CDH8: variants seen among roughly 807,000 people sequenced by gnomAD.
CDH8 encodes the protein cadherin-8.
Under a neutral mutation model 68.1 loss-of-function variants are expected in CDH8, and 17 were observed. The ratio of observed to expected loss-of-function variants is 0.25; its 90% confidence interval spans 0.17 to 0.37. The LOEUF (loss-of-function observed/expected upper bound fraction) is 0.37. CDH8 is among the 10% of genes least tolerant of loss of function. The pLI is 1.00. For missense variants in CDH8, 763 were observed against 999.3 expected, an observed-to-expected ratio of 0.76 and a Z score of 3.19; for synonymous variants, 372 against 365.1, an observed-to-expected ratio of 1.02 and a Z score of -0.21.
rs577753415 is a variant in CDH8 at position 61,746,250 on chromosome 16, C to T, written c.1415-19035G>A. The stretch of plus-strand genomic sequence containing the variant: ...TTGGCCTCTCAATTTCTAGATACCT[C>T]GGTAACCCTGAAATCTAACTTTTGT... On this transcript the variant is annotated intron_variant, in intron 8 of 11. Transcript: ENST00000577390. Among the ~76,000 whole-genome samples the T allele has an allele frequency of 4.4e-4, 67 of 152,156 alleles. No individual in the cohort carries two copies. The Middle Eastern group carries it at 0.02, about 46-fold the overall frequency.
intron 10 of CDH8, among the ~76,000 whole-genome samples, chr16:61,710,420 G>A (rs1964610177): frequency 6.6e-6 from 1 of 152,018 alleles, no homozygotes; most frequent in Admixed American, 6.6e-5. Context: ...CAAAGTAATG[G>A]TTAGCATCTA....
chr16:61,912,021 A>G (rs538585703), intron 2 of CDH8, among the ~76,000 whole-genome samples: 21 of 152,222 alleles, frequency 1.4e-4, no homozygotes, highest in Non-Finnish European at 2.5e-4. Context: ...AGCTGAAAAT[A>G]TGAGATAGAT....
At chr16:61,858,517 A>G (rs1228435545) in intron 3 of CDH8, among the ~76,000 whole-genome samples, 2 of 152,162 alleles carry the variant, frequency 1.3e-5, no homozygotes, top group Non-Finnish European at 2.9e-5. Flanking sequence ...ACCTTTACTC[A>G]TTGAATAAAT....
chr16:61,935,155 G>A (rs1964609372), intron 2 of CDH8, among the ~76,000 whole-genome samples: 1 of 152,158 alleles, frequency 6.6e-6, no homozygotes, highest in African/African-American at 2.4e-5. Context: ...GTTATCTTTA[G>A]AAGAGGCAAA....
intron 2 of CDH8, among the ~76,000 whole-genome samples, chr16:61,963,044 C>T (rs932458970): frequency 5.9e-5 from 9 of 152,024 alleles, no homozygotes; most frequent in Non-Finnish European, 1.2e-4. Context: ...TTTTTCCTGT[C>T]GATAAACACG....
chr16:61,746,655 C>G (rs1024383437), intron 8 of CDH8, among the ~76,000 whole-genome samples: 1 of 151,644 alleles, frequency 6.6e-6, no homozygotes, highest in South Asian at 2.1e-4. Flanking sequence ...TCACCCTGCA[C>G]TTGTTTAGCA....
intron 9 of CDH8, among the ~76,000 whole-genome samples, chr16:61,721,022 TAACA>T (rs1209809536): frequency 2.1e-5 from 3 of 141,670 alleles, no homozygotes; most frequent in African/African-American, 7.4e-5. Flanking sequence ...GGGTTTAAAC[TAACA>T]GAGATTATGG....
At chr16:61,941,437 G>T in intron 2 of CDH8, among the ~76,000 whole-genome samples, 1 of 152,066 alleles carries the variant, frequency 6.6e-6, no homozygotes. Context: ...TCACTCTCCT[G>T]TTCTTTTTGT....
chr16:62,003,673 A>G (rs191000125), intron 2 of CDH8, among the ~76,000 whole-genome samples: 3 of 152,278 alleles, frequency 2.0e-5, no homozygotes, highest in Admixed American at 2.0e-4. Context: ...TAGATGGGTT[A>G]CTGAGGGTGG....
chr16:61,985,888 A>C (rs866362565), intron 2 of CDH8, among the ~76,000 whole-genome samples: 1 of 148,542 alleles, frequency 6.7e-6, no homozygotes, highest in African/African-American at 2.5e-5. Context: ...ATATACATAC[A>C]TAATATCTGT....
At chr16:61,700,569 G>A (rs536964806) in intron 10 of CDH8, among the ~76,000 whole-genome samples, 25 of 152,164 alleles carry the variant, frequency 1.6e-4, no homozygotes, top group Admixed American at 1.2e-3. Context: ...GTGAGCCACC[G>A]CACCTGTCTT....
At chr16:61,927,334 C>G (rs1459866330) in intron 2 of CDH8, among the ~76,000 whole-genome samples, 5 of 151,432 alleles carry the variant, frequency 3.3e-5, no homozygotes, top group Non-Finnish European at 7.4e-5. Flanking sequence ...AGATACAGAT[C>G]TTGATTTGCT....
intron 10 of CDH8, among the ~76,000 whole-genome samples, chr16:61,662,087 G>GTTTTTTTTTTTTTTTTTT: frequency 2.2e-5 from 2 of 92,790 alleles, no homozygotes; most frequent in African/African-American, 4.0e-5. Flanking sequence ...TTTTACTTTA[G>GTTTTTTTTTTTTTTTTTT]TTTTTTTTTT....
At chr16:61,817,889 T>C in intron 6 of CDH8, 157 bp from the exon 7 acceptor site, 3 of 572,354 alleles carry the variant, frequency 5.2e-6, no homozygotes, top group Non-Finnish European at 8.9e-6. Context: ...ACCTGTAAAT[T>C]TTATGGGCAT....
intron 7 of CDH8, among the ~76,000 whole-genome samples, chr16:61,809,377 T>G (rs770417706): frequency 6.6e-6 from 1 of 151,534 alleles, no homozygotes; most frequent in African/African-American, 2.4e-5. Flanking sequence ...TAAGTGGGAG[T>G]TGAACAATGA....
chr16:61,955,199 C>T (rs963870535), intron 2 of CDH8, among the ~76,000 whole-genome samples: 1 of 152,180 alleles, frequency 6.6e-6, no homozygotes, highest in African/African-American at 2.4e-5. Flanking sequence ...CAAGGTTAGC[C>T]TAAAGCTGCC....
At chr16:61,830,464 G>A (rs888325478) in intron 4 of CDH8, among the ~76,000 whole-genome samples, 1 of 151,754 alleles carries the variant, frequency 6.6e-6, no homozygotes, top group South Asian at 2.1e-4. Flanking sequence ...CCAGAGAGAG[G>A]ATTCTGACTC....
intron 3 of CDH8, among the ~76,000 whole-genome samples, chr16:61,887,025 A>G (rs1242817952): frequency 6.6e-6 from 1 of 152,230 alleles, no homozygotes; most frequent in Non-Finnish European, 1.5e-5. Flanking sequence ...TAGAGGGTTG[A>G]TGACTACACA....
At chr16:61,911,961 T>A (rs1449970064) in intron 2 of CDH8, among the ~76,000 whole-genome samples, 3 of 152,124 alleles carry the variant, frequency 2.0e-5, no homozygotes, top group Non-Finnish European at 1.5e-5. Flanking sequence ...GAATGTTATA[T>A]CAGTGCTCTT....
Sources: gnomAD v4.1 joint callset for allele counts (sites outside exome capture counted in the v4.1 genomes callset) on GRCh38, gnomAD v4.1.1 for gene constraint, MANE v1.5 for transcripts, NCBI Gene and HGNC (gene_info 2026-07-23, HGNC 2026-07-21) for gene names.